The following CTNNAL1 variants were observed in gnomAD, a reference collection of about 807,000 sequenced individuals.
CTNNAL1 encodes alpha-catulin.
In CTNNAL1, 69 loss-of-function variants were observed where a neutral mutation model predicts 93.6. The observed-to-expected ratio is 0.74, with a 90% confidence interval of 0.61 to 0.90. CTNNAL1 has a LOEUF of 0.90. Ranked by LOEUF, CTNNAL1 falls within the 40% of genes least tolerant of loss-of-function variation. CTNNAL1 has a pLI of 0.00. For missense variants in CTNNAL1, 836 were observed against 862.0 expected (o/e 0.97, Z 0.38); for synonymous variants, 286 against 305.4 (o/e 0.94, Z 0.66).
intron 15 of CTNNAL1, among the ~76,000 whole-genome samples, chr9:108,945,627 AGT>A (rs1491444624): frequency 8.4e-5 from 3 of 35,862 alleles, no homozygotes; most frequent in African/African-American, 1.6e-4. Flanking sequence ...ATGCCCCGCT[AGT>A]TTTTTTTTTT....
At chr9:108,984,139 T>C (rs572628480) in intron 5 of CTNNAL1, among the ~76,000 whole-genome samples, 1 of 152,318 alleles carries the variant, frequency 6.6e-6, no homozygotes, top group Admixed American at 6.5e-5. Flanking sequence ...AGCTGTTCAA[T>C]CAAAGCTGAC....
chr9:108,949,711 G>A (rs2132087806), intron 14 of CTNNAL1, among the ~76,000 whole-genome samples: 1 of 152,264 alleles, frequency 6.6e-6, no homozygotes, highest in African/African-American at 2.4e-5. Flanking sequence ...GGGCGTGGTG[G>A]CACACAACTG....
Position 108,972,810 on chromosome 9 carries a change from C to A in CTNNAL1, c.1212G>T (p.Leu404=). The A allele has an allele frequency of 7.5e-7, 1 of 1,325,042 alleles. No individual in the cohort carries two copies. The highest frequency in any genetic ancestry group is 9.9e-7 in the Non-Finnish European group (1 of 1,013,690). The allele number at this position is 1,325,042 out of a possible 1,614,324, so 82.1% of individuals were successfully genotyped here. The stretch of plus-strand genomic sequence containing the variant: ...CATGGTATTTTAATAGATCTGCTGC[C>A]AGCTGTGTCGCTGTACTATGAAGCT... The part of the protein sequence containing the change: ...KKELHSTATQ[L]AADLLKYHAD... Residue 404 remains leucine, a synonymous_variant, in exon 9 of 19, where the codon CTG becomes CTT. Coordinates refer to ENST00000325551, the MANE Select transcript of CTNNAL1 (RefSeq NM_003798.4).
At chr9:108,944,737 C>T (rs1318453231) in intron 15 of CTNNAL1, among the ~76,000 whole-genome samples, 4 of 152,046 alleles carry the variant, frequency 2.6e-5, no homozygotes, top group African/African-American at 9.7e-5. Context: ...ATGGAGAGAA[C>T]AGGGAAAATC....
At chr9:108,964,734 A>G (rs1830908742) in intron 11 of CTNNAL1, among the ~76,000 whole-genome samples, 1 of 152,182 alleles carries the variant, frequency 6.6e-6, no homozygotes, top group Non-Finnish European at 1.5e-5. Flanking sequence ...ATTATAGAAG[A>G]GCTGTTGTAT....
At chr9:108,951,638 TA>T (rs540240049) in intron 14 of CTNNAL1, among the ~76,000 whole-genome samples, 2 of 152,200 alleles carry the variant, frequency 1.3e-5, no homozygotes, top group Non-Finnish European at 2.9e-5. Context: ...TATAAATTAC[TA>T]AAATGGAAGA....
chr9:109,007,627 T>C (rs1221931898), intron 1 of CTNNAL1, among the ~76,000 whole-genome samples: 1 of 152,202 alleles, frequency 6.6e-6, no homozygotes, highest in Non-Finnish European at 1.5e-5. Context: ...CTACATAAAA[T>C]ATGCTTGGTT....
At chr9:108,987,459 T>C (rs900070893) in intron 4 of CTNNAL1, among the ~76,000 whole-genome samples, 1 of 152,082 alleles carries the variant, frequency 6.6e-6, no homozygotes, top group East Asian at 1.9e-4. Flanking sequence ...AAGTCAGGTA[T>C]TGTGATGCCT....
At chr9:108,945,826 T>C (rs1216849115) in intron 15 of CTNNAL1, among the ~76,000 whole-genome samples, 7 of 152,110 alleles carry the variant, frequency 4.6e-5, no homozygotes, top group Admixed American at 4.6e-4. Flanking sequence ...AATCTGCAGA[T>C]GCAAAACCTG....
intron 2 of CTNNAL1, among the ~76,000 whole-genome samples, chr9:108,998,388 CT>C (rs201408861): frequency 0.08 from 11,408 of 142,290 alleles, 478 homozygotes; most frequent in East Asian, 0.15. Flanking sequence ...TCTTACCTTG[CT>C]TTTTTTTTTT....
chr9:108,995,540 A>G (rs890449243), intron 2 of CTNNAL1, among the ~76,000 whole-genome samples: 5 of 152,240 alleles, frequency 3.3e-5, no homozygotes, highest in Non-Finnish European at 5.9e-5. Flanking sequence ...TAAAAAAGTA[A>G]CAAAGCTGTC....
At chr9:109,003,266 G>C (rs956410230) in intron 1 of CTNNAL1, among the ~76,000 whole-genome samples, 3 of 152,216 alleles carry the variant, frequency 2.0e-5, no homozygotes, top group African/African-American at 7.2e-5. Context: ...GAGACTTGTG[G>C]GTGTGGGCTT....
chr9:108,970,596 T>C lies in CTNNAL1; in HGVS notation c.1348-102A>G, dbSNP rs901058562. ...AAGAAAATTTTACAAATAAAATTTCTTAAAACCTATTAAAATAAACTTAAA... is the reference window on the plus strand; with the variant it reads ...AAGAAAATTTTACAAATAAAATTTCCTAAAACCTATTAAAATAAACTTAAA... On this transcript the variant is annotated intron_variant, in intron 9 of 18. Coordinates refer to ENST00000325551, the MANE Select transcript of CTNNAL1 (RefSeq NM_003798.4). 3 of 933,018 alleles carry C rather than the reference T, an allele frequency of 3.2e-6. No homozygotes were observed. In the African/African-American group the frequency reaches 5.1e-5, roughly 16 times the overall value. 57.8% of individuals were successfully genotyped at this position (933,018 alleles called of 1,614,324 possible). A position where few individuals can be genotyped will look rare whatever the true frequency, so the allele number is the denominator to read the frequency against.
chr9:109,003,910 C>A (rs1409929118), intron 1 of CTNNAL1, among the ~76,000 whole-genome samples: 2 of 152,148 alleles, frequency 1.3e-5, no homozygotes, highest in African/African-American at 2.4e-5. Context: ...TAAAATATGT[C>A]CACAAATTAT....
chr9:108,975,944 T>C (rs950416593), intron 8 of CTNNAL1, among the ~76,000 whole-genome samples: 1 of 152,186 alleles, frequency 6.6e-6, no homozygotes, highest in African/African-American at 2.4e-5. Flanking sequence ...GATGACCAAT[T>C]TTTTATTCAG....
chr9:109,013,255 G>C, intron 1 of CTNNAL1, 47 bp downstream of exon 1: 1 of 1,431,656 alleles, frequency 7.0e-7, no homozygotes. Context: ...CGCCATCGCG[G>C]GCCGCGGCGG....
At chr9:109,001,701 C>G (rs965395878) in intron 1 of CTNNAL1, among the ~76,000 whole-genome samples, 4 of 152,202 alleles carry the variant, frequency 2.6e-5, no homozygotes, top group East Asian at 1.9e-4. Flanking sequence ...ATGTCAACAG[C>G]TGAGTGAGTG....
Position 109,013,308 on chromosome 9 carries a change from A to G in CTNNAL1, c.135T>C (p.Val45=). ...RSVEQTLLPL[V]SQITTLINHK... Reference sequence around the variant, plus strand: ...GCGCCAGGCGCCACTTTACCTGAGAAACCAGCGGGAGTAGCGTCTGCTCCA... The same window carrying G: ...GCGCCAGGCGCCACTTTACCTGAGAGACCAGCGGGAGTAGCGTCTGCTCCA... Residue 45 remains valine, a synonymous_variant, in exon 1 of 19, where the codon GTT becomes GTC. Transcript: ENST00000325551. The G allele has an allele frequency of 6.7e-7, 1 of 1,502,260 alleles. No individual in the cohort carries two copies. Among genetic ancestry groups the G allele is most frequent in the Non-Finnish European group, 8.9e-7 (1 of 1,125,374 alleles). 93.1% of individuals were successfully genotyped at this position (1,502,260 alleles called of 1,614,324 possible).
At chr9:108,983,035 A>G (rs1268744430) in intron 6 of CTNNAL1, 110 bp downstream of exon 6, 2 of 1,011,776 alleles carry the variant, frequency 2.0e-6, no homozygotes, top group African/African-American at 3.4e-5. Context: ...CCGAGATCAC[A>G]CCACTGCACT....
Sources: allele counts gnomAD v4.1 joint callset (sites outside exome capture counted in the v4.1 genomes callset), GRCh38; gene constraint gnomAD v4.1.1; transcripts MANE v1.5; gene names NCBI Gene and HGNC (gene_info 2026-07-23, HGNC 2026-07-21).